Variants in NALCN observed in about 807,000 individuals in gnomAD.
NALCN encodes the protein sodium leak channel, non-selective, also known as sodium leak channel NALCN.
In NALCN, 111 loss-of-function variants were observed where a neutral mutation model predicts 225.3. That is an observed-to-expected ratio of 0.49 (90% CI 0.42 to 0.58). The LOEUF is 0.58. Among genes scored for constraint, NALCN ranks in the 20% least tolerant of loss-of-function variants. NALCN has a pLI of 0.00. For missense variants in NALCN, 1,378 were observed against 2,202.4 expected, an observed-to-expected ratio of 0.63 and a Z score of 7.49; for synonymous variants, 764 against 769.0, an observed-to-expected ratio of 0.99 and a Z score of 0.11.
chr13:101,164,844 G>A (rs1253583199), intron 15 of NALCN, among the ~76,000 whole-genome samples: 1 of 152,164 alleles, frequency 6.6e-6, no homozygotes, highest in Non-Finnish European at 1.5e-5. Flanking sequence ...CTGATCTTTT[G>A]AGATTTACAT....
At chr13:101,364,355 G>A (rs937764101) in intron 6 of NALCN, among the ~76,000 whole-genome samples, 1 of 152,098 alleles carries the variant, frequency 6.6e-6, no homozygotes, top group Non-Finnish European at 1.5e-5. Flanking sequence ...TAAAGAAAAT[G>A]TGATATGTAT....
chr13:101,238,141 G>A (rs564850605), intron 11 of NALCN, among the ~76,000 whole-genome samples: 1 of 151,790 alleles, frequency 6.6e-6, no homozygotes, highest in South Asian at 2.1e-4. Context: ...AACATGTTAT[G>A]ATTTTGAATG....
In NALCN at chr13:101,185,846, C is replaced by T. The variant is rs145276065; in HGVS notation, c.1764+6071G>A. On this transcript the variant is annotated intron_variant, in intron 14 of 43. Transcript: ENST00000251127. ...CATCAAGTTGTATGGCACCACTGTT[C>T]GGTGTGAACAAAAGACACATCAGAG... is the stretch of plus-strand genomic sequence containing the variant. 2.0e-3 allele frequency among the ~76,000 whole-genome samples: 308 copies of T among 152,290 alleles called. 1 individual carries two copies. Among genetic ancestry groups the T allele is most frequent in the African/African-American group, 7.2e-3 (299 of 41,560 alleles).
intron 10 of NALCN, among the ~76,000 whole-genome samples, chr13:101,276,026 T>A (rs935658557): frequency 1.4e-4 from 18 of 124,520 alleles, no homozygotes; most frequent in Non-Finnish European, 2.7e-4. Context: ...ATCGCACCAA[T>A]GCACTCCAGC....
At chr13:101,405,806 C>T (rs1237017129) in intron 1 of NALCN, among the ~76,000 whole-genome samples, 3 of 152,148 alleles carry the variant, frequency 2.0e-5, no homozygotes, top group Non-Finnish European at 2.9e-5. Context: ...AATGCTTTCT[C>T]CAAAGGAAAA....
At chr13:101,301,373 A>G (rs1358848523) in intron 7 of NALCN, among the ~76,000 whole-genome samples, 1 of 152,212 alleles carries the variant, frequency 6.6e-6, no homozygotes, top group Non-Finnish European at 1.5e-5. Flanking sequence ...TTTGAGGAGC[A>G]GTGAGGTCAG....
At chr13:101,406,054 A>G (rs2047611397) in intron 1 of NALCN, among the ~76,000 whole-genome samples, 1 of 151,222 alleles carries the variant, frequency 6.6e-6, no homozygotes, top group African/African-American at 2.4e-5. Context: ...GGTGGCTCCC[A>G]CTTGTAATCC....
Position 101,090,128 on chromosome 13 carries a change from A to G in NALCN, c.3270-162T>C, listed in dbSNP as rs35491955. 0.16 allele frequency among the ~76,000 whole-genome samples: 23,614 copies of G among 152,092 alleles called. 2,246 individuals carry two copies. Among genetic ancestry groups the G allele is most frequent in the Non-Finnish European group, 0.22 (14,941 of 67,958 alleles). ...CGTGTGCGTGCACACACACATACAT[A>G]TGTGTGTATATGTATACACACACAT... On this transcript the variant is annotated intron_variant, in intron 28 of 43. Coordinates refer to ENST00000251127, the MANE Select transcript of NALCN (RefSeq NM_052867.4).
chr13:101,092,904 A>G (rs2034311653), intron 28 of NALCN, among the ~76,000 whole-genome samples: 1 of 152,128 alleles, frequency 6.6e-6, no homozygotes, highest in Non-Finnish European at 1.5e-5. Context: ...TAAAGCCCTT[A>G]GCATATTATA....
Position 101,111,132 on chromosome 13 carries a change from C to G in NALCN, c.2287G>C (p.Glu763Gln). Reference sequence around the variant, plus strand: ...GTCTTCCCAAGTATTTACCTGCGCTCTTGGCGGATATGATGCTGCACGCTG... The same window carrying G: ...GTCTTCCCAAGTATTTACCTGCGCTGTTGGCGGATATGATGCTGCACGCTG... ...ILSVQHHIRQ[E>Q]RRSLRHGSNS... is the part of the protein sequence containing the mutation. Residue 763 changes from glutamate (E) to glutamine (Q), a missense_variant, in exon 19 of 44, where the codon GAG (glutamate) becomes CAG (glutamine). Glu to Gln is a conservative substitution (Grantham distance 29, BLOSUM62 2). Coordinates refer to ENST00000251127, the MANE Select transcript of NALCN (RefSeq NM_052867.4). 6.2e-7 allele frequency: 1 copy of G among 1,606,076 alleles called. No homozygotes were observed. The highest frequency in any genetic ancestry group is 1.1e-5 in the South Asian group (1 of 90,602).
chr13:101,409,570 A>T (rs978713439), intron 1 of NALCN, among the ~76,000 whole-genome samples: 7 of 152,284 alleles, frequency 4.6e-5, no homozygotes, highest in African/African-American at 1.7e-4. Flanking sequence ...ACTATCATTT[A>T]TATATTATGA....
intron 15 of NALCN, among the ~76,000 whole-genome samples, chr13:101,158,390 C>T (rs2038006704): frequency 6.6e-6 from 1 of 152,232 alleles, no homozygotes. Flanking sequence ...CTCTGCCTCC[C>T]CAACCTTCCT....
At chr13:101,351,146 A>T (rs1779390566) in intron 6 of NALCN, among the ~76,000 whole-genome samples, 1 of 152,178 alleles carries the variant, frequency 6.6e-6, no homozygotes. Context: ...TCTTTCTACC[A>T]TTATTTAAAT....
At chr13:101,238,345 T>C (rs1167839336) in intron 11 of NALCN, among the ~76,000 whole-genome samples, 1 of 151,892 alleles carries the variant, frequency 6.6e-6, no homozygotes, top group Non-Finnish European at 1.5e-5. Flanking sequence ...AAACTAAAAT[T>C]TAAAAGTTAA....
intron 36 of NALCN, among the ~76,000 whole-genome samples, chr13:101,073,975 G>A (rs545981595): frequency 5.3e-5 from 8 of 152,182 alleles, no homozygotes; most frequent in Admixed American, 3.3e-4. Context: ...GCTATAAAAG[G>A]TGGGGCAGCC....
At chr13:101,251,517 T>G (rs188270592) in intron 11 of NALCN, among the ~76,000 whole-genome samples, 52 of 152,236 alleles carry the variant, frequency 3.4e-4, no homozygotes, top group Admixed American at 2.6e-3. Flanking sequence ...AAAATCTGGG[T>G]GACGGACACA....
At chr13:101,097,532 G>A (rs2034576784) in intron 27 of NALCN, among the ~76,000 whole-genome samples, 1 of 152,060 alleles carries the variant, frequency 6.6e-6, no homozygotes, top group South Asian at 2.1e-4. Context: ...GAAAAGCCAG[G>A]GTGCCTGGAC....
At chr13:101,115,650 G>T (rs770128426) in intron 18 of NALCN, among the ~76,000 whole-genome samples, 10 of 152,024 alleles carry the variant, frequency 6.6e-5, no homozygotes, top group Non-Finnish European at 1.5e-4. Flanking sequence ...ATGCCTTTTG[G>T]TCTCATGTAA....
intron 10 of NALCN, among the ~76,000 whole-genome samples, chr13:101,281,491 T>C (rs1284295130): frequency 6.6e-6 from 1 of 152,216 alleles, no homozygotes; most frequent in Non-Finnish European, 1.5e-5. Context: ...ATTATTGTTA[T>C]TACTATTAGT....
Sources: allele counts gnomAD v4.1 joint callset (sites outside exome capture counted in the v4.1 genomes callset), GRCh38; gene constraint gnomAD v4.1.1; transcripts MANE v1.5; gene names NCBI Gene and HGNC (gene_info 2026-07-23, HGNC 2026-07-21).